XPO1: variants seen among roughly 807,000 people sequenced by gnomAD.
XPO1 encodes the protein exportin 1, also known as exportin-1.
Under a neutral mutation model 133.3 loss-of-function variants are expected in XPO1, and 5 were observed. That is an observed-to-expected ratio of 0.04 (90% CI 0.02 to 0.08). The LOEUF (loss-of-function observed/expected upper bound fraction) is 0.08. Ranked by LOEUF, XPO1 falls within the 10% of genes least tolerant of loss-of-function variation. The probability of loss-of-function intolerance (pLI) is 1.00; values close to 1 mark genes in which losing one functional copy is unlikely to be tolerated. For missense variants in XPO1, 506 were observed against 1,267.5 expected (o/e 0.40, Z 9.12); for synonymous variants, 419 against 408.2 (o/e 1.03, Z -0.32).
At chr2:61,494,220 T>G in intron 11 of XPO1, 129 bp from the exon 12 acceptor site, 1 of 851,654 alleles carries the variant, frequency 1.2e-6, no homozygotes, top group Non-Finnish European at 1.8e-6. Context: ...ATTTCAATAC[T>G]TATCAAATAG....
At chr2:61,482,042 T>TTTTTTTTTTTTTG (rs1696395754) in intron 23 of XPO1, among the ~76,000 whole-genome samples, 1 of 25,696 alleles carries the variant, frequency 3.9e-5, no homozygotes, top group Non-Finnish European at 7.3e-5. Context: ...GCCTTTTTTT[T>TTTTTTTTTTTTTG]TTTTTTTTTT....
At chr2:61,486,226 G>A (rs1016140343) in intron 19 of XPO1, among the ~76,000 whole-genome samples, 1 of 151,946 alleles carries the variant, frequency 6.6e-6, no homozygotes, top group Admixed American at 6.6e-5. Flanking sequence ...TCAGACCAGA[G>A]TGCAGTGGCA....
intron 2 of XPO1, among the ~76,000 whole-genome samples, chr2:61,526,951 G>A (rs1698931709): frequency 2.0e-5 from 3 of 152,042 alleles, no homozygotes; most frequent in Admixed American, 6.6e-5. Flanking sequence ...CAGGTGATCT[G>A]CCTGCCTTGG....
At chr2:61,526,777 A>G (rs1698921956) in intron 2 of XPO1, among the ~76,000 whole-genome samples, 1 of 149,760 alleles carries the variant, frequency 6.7e-6, no homozygotes, top group Non-Finnish European at 1.5e-5. Flanking sequence ...GTGCGATCTC[A>G]GCACCCTGCA....
intron 9 of XPO1, among the ~76,000 whole-genome samples, chr2:61,498,024 T>C (rs910940893): frequency 3.3e-5 from 5 of 152,260 alleles, no homozygotes; most frequent in African/African-American, 9.6e-5. Flanking sequence ...TTATTCATTA[T>C]ATCAGTCAAG....
intron 11 of XPO1, chr2:61,494,372 T>G (rs1042428880): frequency 9.7e-6 from 3 of 308,388 alleles, no homozygotes; most frequent in Non-Finnish European, 1.8e-5. Context: ...TGGGTGCCAA[T>G]AAGTGGTATC....
At chr2:61,533,746 T>G (rs1699256257) in intron 2 of XPO1, 26 bp downstream of exon 2, 2 of 1,560,724 alleles carry the variant, frequency 1.3e-6, no homozygotes, top group Non-Finnish European at 1.7e-6. Flanking sequence ...GTCATAATGT[T>G]ATAAAGTTTT....
At chr2:61,535,243 C>T (rs1327352421) in intron 1 of XPO1, among the ~76,000 whole-genome samples, 1 of 152,142 alleles carries the variant, frequency 6.6e-6, no homozygotes, top group Non-Finnish European at 1.5e-5. Flanking sequence ...AGTCCTTAAC[C>T]TTTTTGGGGG....
chr2:61,493,211 C>G, intron 12 of XPO1, 158 bp from the exon 13 acceptor site: 1 of 640,660 alleles, frequency 1.6e-6, no homozygotes, highest in Non-Finnish European at 2.4e-6. Flanking sequence ...AGGGCCGAGG[C>G]AAAAAGAACT....
rs1362471353 is a variant in XPO1 at position 61,495,547 on chromosome 2, T to C, written c.955A>G (p.Ile319Val). 6.3e-7 allele frequency: 1 copy of C among 1,593,080 alleles called. No homozygotes were observed. Among genetic ancestry groups the C allele is most frequent in the Non-Finnish European group, 8.6e-7 (1 of 1,166,360 alleles). The change falls in exon 11 of 25, where the codon ATT becomes GTT. Residue 319 changes from isoleucine to valine, a missense_variant. This residue lies in a region of XPO1 where 134 missense variants were observed against 261.6 expected (regional missense o/e 0.51). Transcript: ENST00000401558. ...CAGAGAAACAAACTGAGATTTTGAA[T>C]GAAGTTCTGTTCATCATCTTTTCCA... ...SNGKDDEQNF[I>V]QNLSLFLCTF...
At chr2:61,494,288 T>C in intron 11 of XPO1, 197 bp from the exon 12 acceptor site, 1 of 511,310 alleles carries the variant, frequency 2.0e-6, no homozygotes, top group African/African-American at 1.9e-5. Flanking sequence ...ACTTCAAAAA[T>C]CTCTCACATA....
chr2:61,512,522 T>C (rs1698144963), intron 4 of XPO1, among the ~76,000 whole-genome samples: 1 of 152,220 alleles, frequency 6.6e-6, no homozygotes, highest in Admixed American at 6.5e-5. Context: ...TTTGACTAGC[T>C]GGATTAAACT....
rs1028536068 is a variant in XPO1, at chr2:61,537,988, C to A, written c.-433G>T. On this transcript the variant is annotated 5_prime_UTR_variant, in exon 1 of 25. Transcript: ENST00000401558. ...GAGACGCTCTGCTGCCAGTTGCAGT[C>A]CGACTCCCCCCTACCAAAACACGGC... 3.1e-5 allele frequency: 5 copies of A among 161,060 alleles called. No homozygotes were observed. Among genetic ancestry groups the A allele is most frequent in the Non-Finnish European group, 5.4e-5 (4 of 73,820 alleles). The allele number at this position is 161,060 out of a possible 1,614,324, so 10.0% of individuals were successfully genotyped here.
At chr2:61,525,300 G>A in intron 3 of XPO1, 2 of 985,996 alleles carry the variant, frequency 2.0e-6, no homozygotes, top group Non-Finnish European at 2.4e-6. Flanking sequence ...AAGCCTAGCT[G>A]TGTCAGTTGC....
intron 4 of XPO1, 68 bp downstream of exon 4, chr2:61,522,543 A>G (rs1333964946): frequency 6.5e-6 from 9 of 1,375,720 alleles, no homozygotes; most frequent in Admixed American, 1.8e-5. Context: ...TGCCCCCTCA[A>G]ACAGTCAACT....
At chr2:61,484,160 C>G (rs781184077) in intron 20 of XPO1, 55 bp from the exon 21 acceptor site, 3 of 1,494,232 alleles carry the variant, frequency 2.0e-6, no homozygotes, top group African/African-American at 2.8e-5. Context: ...TTGTGCTAGA[C>G]AGGAGGGGAA....
rs373800890 is a variant in XPO1, at chr2:61,488,207, C to T, written c.2271G>A (p.Lys757=). ...ATCGGCTCACCCAACCAGATATTAA[C>T]TTTAAAGTTTCCCTTTTTACAGTTC... ...SMRTVKRETL[K]LISGWVSRSN... Residue 757 remains lysine, a synonymous_variant, in exon 19 of 25, where the codon AAG becomes AAA. Coordinates refer to ENST00000401558, the MANE Select transcript of XPO1 (RefSeq NM_003400.4). The T allele has an allele frequency of 9.1e-5, 147 of 1,613,936 alleles. No individual in the cohort carries two copies. Among genetic ancestry groups the T allele is most frequent in the Non-Finnish European group, 1.2e-4 (138 of 1,179,992 alleles).
At chr2:61,515,357 C>T (rs1327610331) in intron 4 of XPO1, among the ~76,000 whole-genome samples, 7 of 152,144 alleles carry the variant, frequency 4.6e-5, no homozygotes, top group Non-Finnish European at 7.3e-5. Context: ...GCAGAAGTGA[C>T]CCTATTAGTT....
At chr2:61,505,502 C>T (rs1697758768) in intron 4 of XPO1, among the ~76,000 whole-genome samples, 1 of 151,482 alleles carries the variant, frequency 6.6e-6, no homozygotes, top group African/African-American at 2.4e-5. Context: ...AGTGATTCTC[C>T]TGCCTCAGCC....
Sources: gnomAD v4.1 joint callset for allele counts (sites outside exome capture counted in the v4.1 genomes callset) on GRCh38, gnomAD v4.1.1 for gene constraint, gnomAD v4.1.1 regional missense constraint, MANE v1.5 for transcripts, NCBI Gene and HGNC (gene_info 2026-07-23, HGNC 2026-07-21) for gene names.